The following CDH4 variants were observed in gnomAD, a reference collection of about 807,000 sequenced individuals.
CDH4 encodes the protein cadherin-4.
A neutral mutation model predicts 86.0 loss-of-function variants in CDH4; 33 were observed. The observed-to-expected ratio is 0.38, with a 90% CI of 0.29 to 0.51. The LOEUF (loss-of-function observed/expected upper bound fraction) is 0.51, where lower values mean the gene tolerates loss of function less well. Ranked by LOEUF, CDH4 falls within the 20% of genes least tolerant of loss-of-function variation. The probability of loss-of-function intolerance (pLI) is 0.86; values close to 1 mark genes in which losing one functional copy is unlikely to be tolerated. For synonymous variants in CDH4, 555 were observed against 549.4 expected (o/e 1.01, Z -0.14); for missense variants, 1,114 against 1,307.4 (o/e 0.85, Z 2.28).
intron 2 of CDH4, among the ~76,000 whole-genome samples, chr20:61,546,353 G>A (rs2086086964): frequency 6.6e-6 from 1 of 151,314 alleles, no homozygotes; most frequent in Non-Finnish European, 1.5e-5. Context: ...GCGTGTGTGT[G>A]GTATGCATGT....
intron 2 of CDH4, among the ~76,000 whole-genome samples, chr20:61,420,968 TC>T (rs1287641155): frequency 6.6e-6 from 1 of 152,210 alleles, no homozygotes; most frequent in African/African-American, 2.4e-5. Flanking sequence ...TGTGGCATGT[TC>T]CATGGGGGAT....
intron 15 of CDH4, among the ~76,000 whole-genome samples, chr20:61,936,420 C>G (rs1162760069): frequency 4.4e-5 from 1 of 22,658 alleles, no homozygotes; most frequent in Non-Finnish European, 1.0e-4. Flanking sequence ...TCTCCCACAC[C>G]CCCCCCCCCA....
At chr20:61,594,355 T>A (rs2086540301) in intron 2 of CDH4, among the ~76,000 whole-genome samples, 1 of 151,920 alleles carries the variant, frequency 6.6e-6, no homozygotes. Flanking sequence ...CCAGACACTG[T>A]TGCCCTAGAT....
chr20:61,647,832 A>G (rs6061299), intron 2 of CDH4, among the ~76,000 whole-genome samples: 119,541 of 151,986 alleles, frequency 0.79, 47,075 homozygotes, highest in Middle Eastern at 0.83. Flanking sequence ...TGTCAGACTC[A>G]GAGGGAGAAC....
In CDH4 at chr20:61,830,666, C is replaced by T. The variant is rs978599367; in HGVS notation, c.577-14002C>T. On this transcript the variant is annotated intron_variant, in intron 4 of 15. Transcript: ENST00000614565. ...GAGAGACACTGAAATGAACTTGGTC[C>T]CCCTTCCTCACCCATTAAGTTCTTC... is the stretch of plus-strand genomic sequence containing the variant. 2.6e-5 allele frequency among the ~76,000 whole-genome samples: 4 copies of T among 152,364 alleles called. No homozygotes were observed. In the South Asian group the frequency reaches 6.2e-4, roughly 24 times the overall value.
intron 2 of CDH4, among the ~76,000 whole-genome samples, chr20:61,589,861 G>C (rs561772609): frequency 1.1e-4 from 17 of 151,910 alleles, no homozygotes; most frequent in Non-Finnish European, 2.1e-4. Context: ...TTCAGCCCCA[G>C]GGAGCTCCCA....
chr20:61,447,212 G>A (rs1294372486), intron 2 of CDH4, among the ~76,000 whole-genome samples: 11 of 151,968 alleles, frequency 7.2e-5, no homozygotes, highest in Non-Finnish European at 1.2e-4. Flanking sequence ...GCTGGTGTGC[G>A]GTGGTGCGAT....
At chr20:61,475,248 C>G (rs1321210046) in intron 2 of CDH4, among the ~76,000 whole-genome samples, 1 of 151,982 alleles carries the variant, frequency 6.6e-6, no homozygotes, top group Non-Finnish European at 1.5e-5. Flanking sequence ...AGAATAAAAT[C>G]AGCCAAACCA....
intron 4 of CDH4, among the ~76,000 whole-genome samples, chr20:61,837,343 G>A (rs920892774): frequency 6.6e-6 from 1 of 152,194 alleles, no homozygotes; most frequent in Admixed American, 6.5e-5. Context: ...GGCAGGGAGG[G>A]AACTCTTCTG....
chr20:61,653,870 G>A (rs1268125569), intron 2 of CDH4, among the ~76,000 whole-genome samples: 6 of 137,130 alleles, frequency 4.4e-5, no homozygotes, highest in African/African-American at 7.8e-5. Flanking sequence ...ATGGGATGGC[G>A]GCCGGGCAGA....
chr20:61,339,085 G>C (rs2084635540), intron 2 of CDH4, among the ~76,000 whole-genome samples: 1 of 152,134 alleles, frequency 6.6e-6, no homozygotes, highest in Non-Finnish European at 1.5e-5. Flanking sequence ...ATGTTCTCAT[G>C]GATGAATCTC....
chr20:61,276,069 G>A (rs1208301194), intron 2 of CDH4, among the ~76,000 whole-genome samples: 1 of 152,160 alleles, frequency 6.6e-6, no homozygotes, highest in Non-Finnish European at 1.5e-5. Flanking sequence ...TACGGGACGT[G>A]CAGAGATAAT....
At chr20:61,452,277 T>C (rs2085385246) in intron 2 of CDH4, among the ~76,000 whole-genome samples, 1 of 152,222 alleles carries the variant, frequency 6.6e-6, no homozygotes, top group Non-Finnish European at 1.5e-5. Context: ...TTATATGAGA[T>C]GATGCCTGAT....
chr20:61,343,498 G>T (rs900876181), intron 2 of CDH4, among the ~76,000 whole-genome samples: 2 of 152,216 alleles, frequency 1.3e-5, no homozygotes, highest in African/African-American at 4.8e-5. Flanking sequence ...CTCAAGCAAC[G>T]TTTGTGATGT....
intron 4 of CDH4, among the ~76,000 whole-genome samples, chr20:61,816,065 A>C (rs962833560): frequency 1.3e-5 from 2 of 152,198 alleles, no homozygotes; most frequent in Non-Finnish European, 2.9e-5. Flanking sequence ...AGCGGCTCCC[A>C]GGAAGTCCAG....
chr20:61,272,997 G>A (rs1459029832), intron 2 of CDH4, among the ~76,000 whole-genome samples: 1 of 71,692 alleles, frequency 1.4e-5, no homozygotes, highest in Non-Finnish European at 2.6e-5. Context: ...ACCGTGTGCA[G>A]TTTGGGGGAG....
chr20:61,598,849 C>T (rs890269731), intron 2 of CDH4, among the ~76,000 whole-genome samples: 20 of 152,216 alleles, frequency 1.3e-4, no homozygotes, highest in African/African-American at 4.8e-4. Flanking sequence ...TTCCCTACTG[C>T]AGGCACTGCC....
At chr20:61,894,637 C>A (rs1351234546) in intron 7 of CDH4, among the ~76,000 whole-genome samples, 1 of 152,142 alleles carries the variant, frequency 6.6e-6, no homozygotes, top group African/African-American at 2.4e-5. Context: ...ACGTGATCTG[C>A]CCCTATCAAC....
At chr20:61,312,764 C>A (rs1950680916) in intron 2 of CDH4, among the ~76,000 whole-genome samples, 1 of 152,134 alleles carries the variant, frequency 6.6e-6, no homozygotes, top group Non-Finnish European at 1.5e-5. Context: ...GTATGATGAC[C>A]CCTTCCAGAA....
Sources: allele counts gnomAD v4.1 joint callset (sites outside exome capture counted in the v4.1 genomes callset), GRCh38; gene constraint gnomAD v4.1.1; transcripts MANE v1.5; gene names NCBI Gene and HGNC (gene_info 2026-07-23, HGNC 2026-07-21).